Variants in ARHGAP15 observed in about 807,000 individuals in gnomAD.
The protein encoded by ARHGAP15 is Rho GTPase activating protein 15.
A neutral mutation model predicts 63.7 loss-of-function variants in ARHGAP15; 51 were observed. The ratio of observed to expected loss-of-function variants is 0.80; its 90% CI spans 0.64 to 1.01. The LOEUF (loss-of-function observed/expected upper bound fraction) is 1.01, where lower values mean the gene tolerates loss of function less well. ARHGAP15 is among the 50% of genes least tolerant of loss of function. The probability of loss-of-function intolerance (pLI) is 0.00; values close to 1 mark genes in which losing one functional copy is unlikely to be tolerated. For missense variants in ARHGAP15, 560 were observed against 564.6 expected, an observed-to-expected ratio of 0.99 and a Z score of 0.08; for synonymous variants, 191 against 193.8, an observed-to-expected ratio of 0.99 and a Z score of 0.12.
chr2:143,468,872 A>C (rs968010563), intron 8 of ARHGAP15, among the ~76,000 whole-genome samples: 1 of 152,144 alleles, frequency 6.6e-6, no homozygotes, highest in African/African-American at 2.4e-5. Context: ...ATTGAACAAA[A>C]CCAGTCTATT....
chr2:143,268,429 A>G (rs1681105999), intron 6 of ARHGAP15, among the ~76,000 whole-genome samples: 1 of 152,120 alleles, frequency 6.6e-6, no homozygotes, highest in African/African-American at 2.4e-5. Flanking sequence ...AATATAAAAA[A>G]CCAAAATGAG....
In ARHGAP15 at chr2:143,485,811, TTAAAG is replaced by T. The variant is rs560418216; in HGVS notation, c.704-1558_704-1554del. ...AGTACAAAATTTGGGAAGCAATACT[TTAAAG>T]TAATATAAAGTATTACAGATTTTCA... On this transcript the variant is annotated intron_variant, in intron 8 of 13. Coordinates refer to ENST00000295095, the MANE Select transcript of ARHGAP15 (RefSeq NM_018460.4). Among the ~76,000 whole-genome samples, 183 of 152,320 alleles carry T rather than the reference TTAAAG, an allele frequency of 1.2e-3. 7 individuals carry two copies. In the South Asian group the frequency reaches 0.034, roughly 29 times the overall value.
At chr2:143,559,156 C>T (rs1051712739) in intron 11 of ARHGAP15, among the ~76,000 whole-genome samples, 2 of 152,124 alleles carry the variant, frequency 1.3e-5, no homozygotes, top group Non-Finnish European at 2.9e-5. Flanking sequence ...CTGGGCAACA[C>T]ATTTCTTCTA....
chr2:143,145,420 GCTAGGGTTGAGGTT>G (rs751077585), intron 1 of ARHGAP15, among the ~76,000 whole-genome samples: 47 of 152,088 alleles, frequency 3.1e-4, no homozygotes, highest in Non-Finnish European at 5.9e-4. Context: ...TCACTCTCTT[GCTAGGGTTGAGGTT>G]CTACCTTTCT....
At chr2:143,318,570 T>C (rs1458186866) in intron 6 of ARHGAP15, among the ~76,000 whole-genome samples, 1 of 135,800 alleles carries the variant, frequency 7.4e-6, no homozygotes, top group African/African-American at 2.6e-5. Context: ...AATCTTTTCC[T>C]ATATTCAAAA....
chr2:143,635,223 T>TC (rs1680251433), intron 12 of ARHGAP15, among the ~76,000 whole-genome samples: 1 of 111,526 alleles, frequency 9.0e-6, no homozygotes, highest in East Asian at 4.3e-4. Flanking sequence ...TTTTTTTTTT[T>TC]CAAATTTTTT....
rs1275617192 is a variant in ARHGAP15, at chr2:143,313,717, TTCTC to T, written c.474+63121_474+63124del. On this transcript the variant is annotated intron_variant, in intron 6 of 13. Transcript: ENST00000295095. ...TCCATTTTGTGTGTCTGTTTTTTGA[TTCTC>T]TCTAATTGCTGTTCAGCTTTGTATG... Among the ~76,000 whole-genome samples, 5 of 152,170 alleles carry T rather than the reference TTCTC, an allele frequency of 3.3e-5. No individual in the cohort carries two copies. In the East Asian group the frequency reaches 5.8e-4, roughly 18 times the overall value.
chr2:143,362,306 C>T (rs1336410322), intron 6 of ARHGAP15, among the ~76,000 whole-genome samples: 2 of 152,134 alleles, frequency 1.3e-5, no homozygotes, highest in African/African-American at 4.8e-5. Context: ...TTTCCAAGGC[C>T]TAGGCTATTC....
intron 8 of ARHGAP15, chr2:143,480,629 C>T (rs1308170781): frequency 1.3e-5 from 2 of 152,128 alleles, no homozygotes; most frequent in Non-Finnish European, 2.9e-5. Context: ...CTTAGTTTTT[C>T]AGGCTGCAAG....
At position 143,421,785 on chromosome 2, in the gene ARHGAP15, TATATATATATATATATG is replaced by T. The variant is rs1458036303; in HGVS notation, c.475-13815_475-13799del. Among the ~76,000 whole-genome samples the T allele has an allele frequency of 9.1e-4, 4 of 4,414 alleles. No individual in the cohort carries two copies. In the East Asian group the frequency reaches 0.03, roughly 33 times the overall value. The allele number at this position is 4,414 out of a possible 152,430, so 2.9% of individuals were successfully genotyped here. A position where few individuals can be genotyped will look rare whatever the true frequency, so the allele number is the denominator to read the frequency against. On this transcript the variant is annotated intron_variant, in intron 6 of 13. Transcript: ENST00000295095. ...CATGGTGTATATATATATATATATA[TATATATATATATATATG>T]TGTGTGTTTCATTATTATACATTGA... is the stretch of plus-strand genomic sequence containing the variant.
intron 9 of ARHGAP15, among the ~76,000 whole-genome samples, chr2:143,504,653 G>GAGTC (rs1435828777): frequency 1.3e-5 from 2 of 152,182 alleles, no homozygotes; most frequent in African/African-American, 4.8e-5. Flanking sequence ...CTACTCAAGG[G>GAGTC]AGTCCCTGAA....
chr2:143,358,924 T>TA (rs376665453), intron 6 of ARHGAP15, among the ~76,000 whole-genome samples: 3,443 of 142,590 alleles, frequency 0.024, 66 homozygotes, highest in South Asian at 0.1. Flanking sequence ...CTGTTTAATG[T>TA]AAAAAAAAAA....
intron 6 of ARHGAP15, among the ~76,000 whole-genome samples, chr2:143,273,203 C>T (rs1346081263): frequency 6.6e-6 from 1 of 151,870 alleles, no homozygotes; most frequent in Non-Finnish European, 1.5e-5. Context: ...ACACTAATAT[C>T]CTCATTTTCA....
intron 4 of ARHGAP15, 133 bp downstream of exon 4, chr2:143,216,578 G>A: frequency 1.7e-6 from 1 of 604,970 alleles, no homozygotes. Context: ...CTACTGCTAT[G>A]ATCAACATTA....
intron 6 of ARHGAP15, among the ~76,000 whole-genome samples, chr2:143,427,747 A>G (rs1277223539): frequency 6.6e-6 from 1 of 152,080 alleles, no homozygotes; most frequent in African/African-American, 2.4e-5. Context: ...GCCATTATCA[A>G]TCTTCAAAAT....
intron 11 of ARHGAP15, among the ~76,000 whole-genome samples, chr2:143,610,398 A>G (rs115482780): frequency 1.7e-4 from 26 of 152,330 alleles, no homozygotes; most frequent in Non-Finnish European, 3.1e-4. Flanking sequence ...ACTTTAACTG[A>G]GATTCATAGT....
intron 13 of ARHGAP15, among the ~76,000 whole-genome samples, chr2:143,740,920 T>C (rs538623820): frequency 6.6e-5 from 10 of 152,178 alleles, no homozygotes; most frequent in African/African-American, 2.4e-4. Context: ...CTGTGGTTAA[T>C]TGAAAAAAAA....
chr2:143,416,369 A>G (rs1050992366), intron 6 of ARHGAP15, among the ~76,000 whole-genome samples: 6 of 152,160 alleles, frequency 3.9e-5, no homozygotes, highest in Admixed American at 6.5e-5. Context: ...TCTTTGCCAA[A>G]CTGAATTAAA....
At chr2:143,373,648 A>AAC (rs1553470784) in intron 6 of ARHGAP15, among the ~76,000 whole-genome samples, 30 of 138,268 alleles carry the variant, frequency 2.2e-4, no homozygotes, top group Non-Finnish European at 3.0e-4. Context: ...AAAAAAAAAA[A>AAC]AAAAAAAAAA....
Sources: gnomAD v4.1 joint callset for allele counts (sites outside exome capture counted in the v4.1 genomes callset) on GRCh38, gnomAD v4.1.1 for gene constraint, MANE v1.5 for transcripts, NCBI Gene and HGNC (gene_info 2026-07-23, HGNC 2026-07-21) for gene names.